Variants in STPG2 observed in about 807,000 individuals in gnomAD.
The protein encoded by STPG2 is sperm-tail PG-rich repeat-containing protein 2.
Under a neutral mutation model 54.2 loss-of-function variants are expected in STPG2, and 56 were observed. The ratio of observed to expected loss-of-function variants is 1.03; its 90% CI spans 0.83 to 1.29. The LOEUF (loss-of-function observed/expected upper bound fraction) is 1.29. Ranked by LOEUF, STPG2 falls within the 50% of genes most tolerant of loss-of-function variation. The probability of loss-of-function intolerance (pLI) is 0.00; values close to 1 mark genes in which losing one functional copy is unlikely to be tolerated. For synonymous variants in STPG2, 200 were observed against 181.8 expected (o/e 1.10, Z -0.81); for missense variants, 596 against 544.9 (o/e 1.09, Z -0.93).
intron 8 of STPG2, among the ~76,000 whole-genome samples, chr4:97,940,572 A>G (rs1412687488): frequency 6.6e-6 from 1 of 152,078 alleles, no homozygotes; most frequent in Admixed American, 6.5e-5. Context: ...AAGATTCTTT[A>G]CACAGCTTGG....
intron 10 of STPG2, among the ~76,000 whole-genome samples, chr4:97,564,083 T>A (rs1197259795): frequency 6.6e-6 from 1 of 152,292 alleles, no homozygotes; most frequent in East Asian, 1.9e-4. Flanking sequence ...TCATTGTAGG[T>A]CACTGAGGAC....
chr4:97,826,139 T>A, intron 9 of STPG2, among the ~76,000 whole-genome samples: 1 of 152,178 alleles, frequency 6.6e-6, no homozygotes, highest in Admixed American at 6.5e-5. Context: ...ATAATTACAA[T>A]CACTTATTAA....
chr4:98,120,282 T>C (rs1739641891), intron 3 of STPG2, among the ~76,000 whole-genome samples: 1 of 152,116 alleles, frequency 6.6e-6, no homozygotes, highest in Admixed American at 6.5e-5. Flanking sequence ...GGTTTCACCA[T>C]ATTGATCAGG....
intron 8 of STPG2, among the ~76,000 whole-genome samples, chr4:97,915,992 G>A (rs1465917771): frequency 6.6e-6 from 1 of 152,164 alleles, no homozygotes. Flanking sequence ...ATGGAAAAGA[G>A]GATATGGACG....
chr4:98,128,767 T>C (rs1739902758), intron 2 of STPG2, among the ~76,000 whole-genome samples, 175 bp from the exon 3 acceptor site: 1 of 152,152 alleles, frequency 6.6e-6, no homozygotes, highest in South Asian at 2.1e-4. Flanking sequence ...TCTCACTCTG[T>C]CACCCAGGCT....
chr4:97,499,174 G>A (rs1730673917), intron 4 of STPG2, among the ~76,000 whole-genome samples: 1 of 151,962 alleles, frequency 6.6e-6, no homozygotes, highest in Non-Finnish European at 1.5e-5. Context: ...CAGGCACACT[G>A]TAATAAGTGT....
At chr4:97,902,083 T>G (rs1351871367) in intron 8 of STPG2, among the ~76,000 whole-genome samples, 1 of 152,014 alleles carries the variant, frequency 6.6e-6, no homozygotes, top group African/African-American at 2.4e-5. Context: ...TAAATAGTCT[T>G]GAGAAACCTG....
chr4:97,941,142 G>A (rs1001614828), intron 8 of STPG2, among the ~76,000 whole-genome samples: 8 of 151,930 alleles, frequency 5.3e-5, no homozygotes, highest in African/African-American at 1.9e-4. Context: ...TCCTAGCCTT[G>A]AAATGCGGCT....
At chr4:97,663,788 C>T (rs529792919) in intron 10 of STPG2, among the ~76,000 whole-genome samples, 30 of 152,234 alleles carry the variant, frequency 2.0e-4, no homozygotes, top group East Asian at 5.8e-4. Context: ...CTATTTCAAA[C>T]GGCCAGCAAA....
At chr4:97,564,219 G>T (rs573071586) in intron 10 of STPG2, among the ~76,000 whole-genome samples, 1 of 152,006 alleles carries the variant, frequency 6.6e-6, no homozygotes, top group African/African-American at 2.4e-5. Context: ...ATCTTTGTTG[G>T]TTTAAAGTCT....
At position 97,603,827 on chromosome 4, in the gene STPG2, T is replaced by C. The variant is rs1733525678; in HGVS notation, c.1321-44710A>G. Reference sequence around the variant, plus strand: ...AAGTAGAATGGTGATTGCCACAAGCTGGCTGAAGGGAGAGATGGTGAGTTG... The same window carrying C: ...AAGTAGAATGGTGATTGCCACAAGCCGGCTGAAGGGAGAGATGGTGAGTTG... On this transcript the variant is annotated intron_variant, in intron 10 of 10. Transcript: ENST00000295268. Among the ~76,000 whole-genome samples the C allele has an allele frequency of 2.0e-5, 3 of 151,592 alleles. No homozygotes were observed. In the South Asian group the frequency reaches 6.2e-4, roughly 31 times the overall value.
At chr4:97,501,035 T>C (rs924090242) in intron 4 of STPG2, among the ~76,000 whole-genome samples, 1 of 151,954 alleles carries the variant, frequency 6.6e-6, no homozygotes, top group Admixed American at 6.6e-5. Context: ...CTAGAAGAGA[T>C]AGAAAATGTT....
chr4:98,120,212 C>T (rs1244274978), intron 3 of STPG2, among the ~76,000 whole-genome samples: 2 of 152,082 alleles, frequency 1.3e-5, no homozygotes, highest in East Asian at 3.9e-4. Context: ...TCCCGAGTAA[C>T]TGGGACTACA....
rs189819338 is a variant in STPG2, at chr4:97,969,590, G to A, written c.933+2690C>T. On this transcript the variant is annotated intron_variant, in intron 7 of 10. Transcript: ENST00000295268. ...CAAAGAGACAGCCCCGTTGCATTGC[G>A]GGCTGCTGGCCAGATCCCGCAATAT... Among the ~76,000 whole-genome samples the A allele has an allele frequency of 2.9e-3, 449 of 152,212 alleles. 2 individuals are homozygous for A. Among genetic ancestry groups the A allele is most frequent in the Middle Eastern group, 0.014 (4 of 294 alleles).
At chr4:98,010,817 T>C (rs1455660887) in intron 5 of STPG2, among the ~76,000 whole-genome samples, 1 of 152,190 alleles carries the variant, frequency 6.6e-6, no homozygotes, top group Non-Finnish European at 1.5e-5. Context: ...TTTGTAGTTA[T>C]CATGAGGCTT....
intron 5 of STPG2, among the ~76,000 whole-genome samples, chr4:98,083,678 A>G (rs1470839596): frequency 6.6e-6 from 1 of 152,222 alleles, no homozygotes; most frequent in African/African-American, 2.4e-5. Flanking sequence ...CTCACCACTT[A>G]TATTCTATAC....
intron 3 of STPG2, among the ~76,000 whole-genome samples, chr4:98,122,701 A>G (rs1259949876): frequency 6.8e-6 from 1 of 148,048 alleles, no homozygotes; most frequent in Non-Finnish European, 1.5e-5. Context: ...TCAGAAAATG[A>G]GTTAAGGAGG....
At chr4:98,090,225 T>C (rs1738645231) in intron 5 of STPG2, among the ~76,000 whole-genome samples, 1 of 152,198 alleles carries the variant, frequency 6.6e-6, no homozygotes, top group South Asian at 2.1e-4. Flanking sequence ...TTGATTTTTG[T>C]ATAAGGTGAG....
chr4:97,790,962 G>C (rs923317055), intron 9 of STPG2, among the ~76,000 whole-genome samples: 4 of 152,054 alleles, frequency 2.6e-5, no homozygotes, highest in Non-Finnish European at 4.4e-5. Flanking sequence ...CAGTTTTTCA[G>C]CATTCCTAAT....
Sources: gnomAD v4.1 joint callset for allele counts (sites outside exome capture counted in the v4.1 genomes callset) on GRCh38, gnomAD v4.1.1 for gene constraint, MANE v1.5 for transcripts, NCBI Gene and HGNC (gene_info 2026-07-23, HGNC 2026-07-21) for gene names.